Variants in TMTC2 observed in about 807,000 individuals in gnomAD.
The protein encoded by TMTC2 is protein O-mannosyl-transferase TMTC2.
TMTC2 carries 43 observed loss-of-function variants against 82.4 expected under a neutral mutation model. The observed-to-expected ratio is 0.52, with a 90% confidence interval of 0.41 to 0.67. TMTC2 has a LOEUF of 0.67. Ranked by LOEUF, TMTC2 falls within the 30% of genes least tolerant of loss-of-function variation. TMTC2 has a pLI of 0.00. For missense variants in TMTC2, 919 were observed against 1,012.4 expected, an observed-to-expected ratio of 0.91 and a Z score of 1.25; for synonymous variants, 408 against 381.9, an observed-to-expected ratio of 1.07 and a Z score of -0.80.
chr12:82,809,806 T>C (rs1010631402), intron 1 of TMTC2, among the ~76,000 whole-genome samples: 3 of 152,082 alleles, frequency 2.0e-5, no homozygotes, highest in South Asian at 4.2e-4. Flanking sequence ...CAAGAAATAA[T>C]TATTTCTTAC....
chr12:82,749,464 C>A lies in TMTC2; in HGVS notation c.83+61795C>A, dbSNP rs889956590. On this transcript the variant is annotated intron_variant, in intron 1 of 11. Coordinates refer to ENST00000321196, the MANE Select transcript of TMTC2 (RefSeq NM_152588.3). ...TCACCTGAGTTTAAAAATCTGGACA[C>A]AGCTCCACTTTGTAGATTTGATGCT... 2.6e-5 allele frequency among the ~76,000 whole-genome samples: 4 copies of A among 152,128 alleles called. 1 individual carries two copies. The highest frequency in any genetic ancestry group is 9.7e-5 in the African/African-American group (4 of 41,418).
intron 1 of TMTC2, among the ~76,000 whole-genome samples, chr12:82,813,323 C>T (rs560942611): frequency 2.0e-5 from 3 of 152,120 alleles, no homozygotes; most frequent in South Asian, 4.2e-4. Context: ...TTACATTTTT[C>T]GTTAAGTCTT....
intron 1 of TMTC2, among the ~76,000 whole-genome samples, chr12:82,778,848 CAAAAAA>C (rs56354957): frequency 1.0e-3 from 24 of 23,446 alleles, no homozygotes; most frequent in African/African-American, 4.2e-3. Flanking sequence ...GACTCCGTCT[CAAAAAA>C]AAAAAAAAAA....
chr12:83,011,037 G>A (rs1183405954), intron 8 of TMTC2, among the ~76,000 whole-genome samples: 1 of 152,174 alleles, frequency 6.6e-6, no homozygotes, highest in Admixed American at 6.5e-5. Flanking sequence ...GTTTTGCCAT[G>A]TTGGCCAGGG....
intron 3 of TMTC2, among the ~76,000 whole-genome samples, chr12:82,909,594 C>T (rs1036368449): frequency 3.9e-5 from 6 of 152,170 alleles, no homozygotes; most frequent in Non-Finnish European, 7.3e-5. Flanking sequence ...CCCGCCTCAG[C>T]CTCCCAAAGT....
chr12:82,904,732 T>A (rs1190827250), intron 3 of TMTC2, among the ~76,000 whole-genome samples: 1 of 152,198 alleles, frequency 6.6e-6, no homozygotes, highest in African/African-American at 2.4e-5. Flanking sequence ...TTGATTCGTA[T>A]TTGCTTAAAG....
intron 2 of TMTC2, among the ~76,000 whole-genome samples, chr12:82,873,196 G>T (rs971844507): frequency 1.4e-5 from 2 of 145,106 alleles, no homozygotes; most frequent in Non-Finnish European, 3.0e-5. Context: ...AGGGATTTTG[G>T]CCCTGTTTCA....
At chr12:82,881,544 G>A (rs900972343) in intron 2 of TMTC2, among the ~76,000 whole-genome samples, 4 of 152,170 alleles carry the variant, frequency 2.6e-5, no homozygotes, top group South Asian at 2.1e-4. Context: ...GCAAGAAGAC[G>A]TTTTTGGAGA....
At chr12:82,706,462 T>C (rs1041311857) in intron 1 of TMTC2, among the ~76,000 whole-genome samples, 4 of 151,660 alleles carry the variant, frequency 2.6e-5, no homozygotes, top group African/African-American at 9.7e-5. Flanking sequence ...GATGAGTTGA[T>C]AGGAGCCAGA....
At chr12:83,070,087 G>T (rs1883057750) in intron 11 of TMTC2, among the ~76,000 whole-genome samples, 1 of 152,140 alleles carries the variant, frequency 6.6e-6, no homozygotes, top group Non-Finnish European at 1.5e-5. Context: ...GGTGTCTGTG[G>T]CCTTAGAGTA....
At chr12:82,836,652 G>C (rs1408965863) in intron 1 of TMTC2, among the ~76,000 whole-genome samples, 1 of 152,146 alleles carries the variant, frequency 6.6e-6, no homozygotes, top group Non-Finnish European at 1.5e-5. Context: ...CTCCAGAATA[G>C]AAATATAATA....
At chr12:82,869,343 G>A (rs1872045880) in intron 2 of TMTC2, among the ~76,000 whole-genome samples, 1 of 152,136 alleles carries the variant, frequency 6.6e-6, no homozygotes, top group African/African-American at 2.4e-5. Context: ...TTCTGGAGGT[G>A]GCAGGAGGGA....
chr12:82,722,431 G>A (rs1393952996), intron 1 of TMTC2, among the ~76,000 whole-genome samples: 1 of 150,524 alleles, frequency 6.6e-6, no homozygotes, highest in Non-Finnish European at 1.5e-5. Context: ...GCCGGGCATG[G>A]TGGTGGGCGC....
chr12:82,938,557 A>G (rs569231883), intron 4 of TMTC2, among the ~76,000 whole-genome samples: 70 of 152,200 alleles, frequency 4.6e-4, no homozygotes, highest in Middle Eastern at 3.4e-3. Flanking sequence ...AGTGTTGGGC[A>G]TGTCTGACAG....
intron 1 of TMTC2, among the ~76,000 whole-genome samples, chr12:82,814,442 A>G (rs1014313107): frequency 1.4e-4 from 22 of 152,146 alleles, no homozygotes; most frequent in Non-Finnish European, 3.2e-4. Context: ...AAGATAGGAA[A>G]AAGATTAGAG....
rs868766342 is a variant in TMTC2 at position 82,901,145 on chromosome 12, T to C, written c.1483+4499T>C. Among the ~76,000 whole-genome samples the C allele has an allele frequency of 8.7e-3, 288 of 33,104 alleles. 20 individuals are homozygous for C. In the East Asian group the frequency reaches 0.12, roughly 14 times the overall value. 21.7% of individuals were successfully genotyped at this position (33,104 alleles called of 152,430 possible). A position where few individuals can be genotyped will look rare whatever the true frequency, so the allele number is the denominator to read the frequency against. On this transcript the variant is annotated intron_variant, in intron 3 of 11. Transcript: ENST00000321196. ...TAGGAATATATATATATCTGGAATA[T>C]ATATATAGGAATATATATATATCTG...
intron 3 of TMTC2, among the ~76,000 whole-genome samples, chr12:82,907,372 A>T (rs1451057295): frequency 6.6e-6 from 1 of 151,768 alleles, no homozygotes; most frequent in African/African-American, 2.4e-5. Context: ...CTCAGGCAGG[A>T]TAATTGCCTG....
chr12:83,063,683 A>C (rs192044146), intron 11 of TMTC2, among the ~76,000 whole-genome samples: 6 of 152,032 alleles, frequency 3.9e-5, no homozygotes, highest in Admixed American at 2.0e-4. Flanking sequence ...GCAAGCCAGA[A>C]ATTTGGAAAA....
At chr12:82,919,088 A>G (rs556552204) in intron 3 of TMTC2, among the ~76,000 whole-genome samples, 1 of 152,204 alleles carries the variant, frequency 6.6e-6, no homozygotes, top group Non-Finnish European at 1.5e-5. Context: ...ACACAAAGAC[A>G]TGTATTTGGC....
Sources: gnomAD v4.1 joint callset for allele counts (sites outside exome capture counted in the v4.1 genomes callset) on GRCh38, gnomAD v4.1.1 for gene constraint, MANE v1.5 for transcripts, NCBI Gene and HGNC (gene_info 2026-07-23, HGNC 2026-07-21) for gene names.